Variants in SLIT3 observed in about 807,000 individuals in gnomAD.
SLIT3 encodes slit guidance ligand 3, also known as slit homolog 3 protein.
A neutral mutation model predicts 184.0 loss-of-function variants in SLIT3; 68 were observed. That is an observed-to-expected ratio of 0.37 (90% CI 0.30 to 0.45). The LOEUF is 0.45. Among genes scored for constraint, SLIT3 ranks in the 20% least tolerant of loss-of-function variants. The pLI, the probability that SLIT3 is intolerant of heterozygous loss-of-function variation, is 1.00. For synonymous variants in SLIT3, 831 were observed against 828.6 expected, an observed-to-expected ratio of 1.00 and a Z score of -0.05; for missense variants, 1,707 against 2,026.0, an observed-to-expected ratio of 0.84 and a Z score of 3.02.
intron 2 of SLIT3, among the ~76,000 whole-genome samples, chr5:169,248,681 T>C (rs982450094): frequency 6.6e-6 from 1 of 152,252 alleles, no homozygotes; most frequent in Non-Finnish European, 1.5e-5. Context: ...CCCCATGTGA[T>C]GACGGCTGGG....
At chr5:169,282,881 C>G (rs997682168) in intron 1 of SLIT3, among the ~76,000 whole-genome samples, 1 of 152,192 alleles carries the variant, frequency 6.6e-6, no homozygotes, top group Non-Finnish European at 1.5e-5. Flanking sequence ...ATCAGAAACA[C>G]CTGCAAGGTT....
chr5:169,295,571 G>A (rs143435601), intron 1 of SLIT3, among the ~76,000 whole-genome samples: 94 of 152,374 alleles, frequency 6.2e-4, no homozygotes, highest in African/African-American at 2.2e-3. Context: ...ACAGCAAGAT[G>A]TAACAGAGCT....
intron 20 of SLIT3, among the ~76,000 whole-genome samples, chr5:168,736,192 G>T (rs1200330967): frequency 6.6e-6 from 1 of 152,188 alleles, no homozygotes; most frequent in Non-Finnish European, 1.5e-5. Flanking sequence ...GTGGCACAAT[G>T]AACTCAATGA....
At chr5:168,703,036 G>A (rs542382584) in intron 26 of SLIT3, among the ~76,000 whole-genome samples, 124 of 152,254 alleles carry the variant, frequency 8.1e-4, no homozygotes, top group Admixed American at 1.7e-3. Context: ...AGAGCCTAGC[G>A]CTTGATGACA....
At chr5:169,088,834 A>G (rs982283428) in intron 4 of SLIT3, among the ~76,000 whole-genome samples, 1 of 151,926 alleles carries the variant, frequency 6.6e-6, no homozygotes. Context: ...AGCCTGGCCA[A>G]CATGGCAAAA....
intron 4 of SLIT3, among the ~76,000 whole-genome samples, chr5:169,029,896 C>T (rs185306580): frequency 9.7e-4 from 148 of 152,278 alleles, no homozygotes; most frequent in Non-Finnish European, 1.6e-3. Flanking sequence ...TCCAGTTAAT[C>T]CTCATCTTCT....
At chr5:169,217,125 T>G (rs1340037413) in intron 3 of SLIT3, among the ~76,000 whole-genome samples, 1 of 93,420 alleles carries the variant, frequency 1.1e-5, no homozygotes, top group Non-Finnish European at 2.0e-5. Context: ...AGACCTTGAG[T>G]AGGTTAAAAA....
intron 4 of SLIT3, among the ~76,000 whole-genome samples, chr5:169,026,876 C>A (rs903582402): frequency 3.3e-5 from 5 of 152,092 alleles, no homozygotes; most frequent in African/African-American, 1.2e-4. Flanking sequence ...CAGGTCTCTA[C>A]TGTACCAGGC....
intron 3 of SLIT3, among the ~76,000 whole-genome samples, chr5:169,195,127 A>G (rs1435247260): frequency 1.3e-5 from 2 of 152,192 alleles, no homozygotes; most frequent in Non-Finnish European, 2.9e-5. Context: ...TCTGAGAGCT[A>G]AAGCTAACTA....
intron 4 of SLIT3, among the ~76,000 whole-genome samples, chr5:169,059,815 G>C (rs1221866836): frequency 6.6e-6 from 1 of 152,202 alleles, no homozygotes; most frequent in East Asian, 1.9e-4. Context: ...CTGGGGCTAT[G>C]GTCTGAATGT....
At chr5:169,107,850 G>T (rs182765476) in intron 4 of SLIT3, among the ~76,000 whole-genome samples, 1 of 152,178 alleles carries the variant, frequency 6.6e-6, no homozygotes, top group Non-Finnish European at 1.5e-5. Context: ...CATGCCCTAG[G>T]CTTGGCTAAC....
chr5:169,130,136 C>G (rs572219149), intron 4 of SLIT3, among the ~76,000 whole-genome samples: 2 of 152,124 alleles, frequency 1.3e-5, no homozygotes, highest in African/African-American at 2.4e-5. Context: ...CATGAGCCAC[C>G]GTGCCCAGCC....
chr5:168,785,753 T>C (rs1334007033), intron 12 of SLIT3, among the ~76,000 whole-genome samples, 154 bp downstream of exon 12: 3 of 152,204 alleles, frequency 2.0e-5, no homozygotes, highest in African/African-American at 7.2e-5. Context: ...TTCATAAAAA[T>C]AGGAAACGGA....
intron 32 of SLIT3, among the ~76,000 whole-genome samples, chr5:168,674,339 G>A (rs1761342645): frequency 6.6e-6 from 1 of 152,102 alleles, no homozygotes; most frequent in African/African-American, 2.4e-5. Flanking sequence ...AGCTCCAAAA[G>A]CCCACACTTT....
intron 27 of SLIT3, among the ~76,000 whole-genome samples, chr5:168,699,068 C>A (rs990494635): frequency 1.3e-5 from 2 of 152,142 alleles, no homozygotes; most frequent in African/African-American, 4.8e-5. Flanking sequence ...TGGCTGGGGC[C>A]CCGTGGCCAC....
At chr5:168,685,424 G>A (rs547070608) in intron 31 of SLIT3, among the ~76,000 whole-genome samples, 1 of 152,368 alleles carries the variant, frequency 6.6e-6, no homozygotes, top group African/African-American at 2.4e-5. Context: ...CTGCAGCACA[G>A]TGTCTGGTGT....
intron 8 of SLIT3, among the ~76,000 whole-genome samples, chr5:168,813,612 T>C (rs1220349431): frequency 2.0e-5 from 3 of 152,022 alleles, no homozygotes; most frequent in African/African-American, 7.2e-5. Flanking sequence ...GGGAAGAAAA[T>C]AAATGCCTTC....
At chr5:168,704,325 A>AAGC (rs1762313379) in intron 26 of SLIT3, among the ~76,000 whole-genome samples, 1 of 138,790 alleles carries the variant, frequency 7.2e-6, no homozygotes, top group African/African-American at 3.5e-5. Flanking sequence ...TTTGTGAAGT[A>AAGC]TCTACTGAAT....
At chr5:168,811,922 T>C in intron 8 of SLIT3, among the ~76,000 whole-genome samples, 1 of 152,222 alleles carries the variant, frequency 6.6e-6, no homozygotes, top group Non-Finnish European at 1.5e-5. Flanking sequence ...CCATGTTCAT[T>C]GCAGCATTAG....
Sources: allele counts gnomAD v4.1 joint callset (sites outside exome capture counted in the v4.1 genomes callset), GRCh38; gene constraint gnomAD v4.1.1; transcripts MANE v1.5; gene names NCBI Gene and HGNC (gene_info 2026-07-23, HGNC 2026-07-21).